The following ABCA13 variants were observed in gnomAD, a reference collection of about 807,000 sequenced individuals.
The protein encoded by ABCA13 is ATP-binding cassette sub-family A member 13.
In ABCA13, 476 loss-of-function variants were observed where a neutral mutation model predicts 478.7. The observed-to-expected ratio is 0.99, with a 90% CI of 0.92 to 1.07. The LOEUF is 1.07. Among genes scored for constraint, ABCA13 ranks in the 50% least tolerant of loss-of-function variants. The pLI is 0.00. For synonymous variants in ABCA13, 2,252 were observed against 2,158.9 expected, an observed-to-expected ratio of 1.04 and a Z score of -1.20; for missense variants, 6,060 against 5,910.6, an observed-to-expected ratio of 1.03 and a Z score of -0.83.
intron 3 of ABCA13, among the ~76,000 whole-genome samples, chr7:48,218,882 A>G (rs1313808892): frequency 1.3e-5 from 2 of 152,222 alleles, no homozygotes; most frequent in East Asian, 3.8e-4. Context: ...GTAGATATGC[A>G]TGTTGACAAC....
chr7:48,345,798 C>T (rs924988016), intron 29 of ABCA13, among the ~76,000 whole-genome samples: 2 of 152,096 alleles, frequency 1.3e-5, no homozygotes, highest in African/African-American at 4.8e-5. Flanking sequence ...ATAAAGTGTA[C>T]GGTAATGTCC....
intron 58 of ABCA13, among the ~76,000 whole-genome samples, chr7:48,598,077 ATTTTC>A (rs1790484782): frequency 6.6e-6 from 1 of 152,032 alleles, no homozygotes; most frequent in African/African-American, 2.4e-5. Flanking sequence ...TGCCCTAAAA[ATTTTC>A]TGTGTTCCAC....
intron 23 of ABCA13, among the ~76,000 whole-genome samples, chr7:48,300,659 G>C (rs915802484): frequency 6.6e-6 from 1 of 152,206 alleles, no homozygotes; most frequent in African/African-American, 2.4e-5. Flanking sequence ...CAGATGCATG[G>C]ATACCATCTC....
chr7:48,585,167 A>G (rs187392280), intron 56 of ABCA13, among the ~76,000 whole-genome samples: 1 of 152,186 alleles, frequency 6.6e-6, no homozygotes. Flanking sequence ...CCTTCCTTTA[A>G]TATTTGTGTT....
chr7:48,271,600 TA>T (rs1795619064), intron 16 of ABCA13, among the ~76,000 whole-genome samples, 186 bp from the exon 17 acceptor site: 1 of 152,174 alleles, frequency 6.6e-6, no homozygotes, highest in African/African-American at 2.4e-5. Flanking sequence ...TAAATATATA[TA>T]ACTTCATTGT....
intron 58 of ABCA13, among the ~76,000 whole-genome samples, chr7:48,609,434 T>G (rs1791798637): frequency 6.6e-6 from 1 of 152,182 alleles, no homozygotes; most frequent in South Asian, 2.1e-4. Context: ...GCAGACTTTG[T>G]TGAAAAAAAG....
intron 59 of ABCA13, among the ~76,000 whole-genome samples, chr7:48,629,761 C>T (rs1267483455): frequency 1.3e-5 from 2 of 152,020 alleles, no homozygotes; most frequent in Non-Finnish European, 2.9e-5. Context: ...ACAGGCCAAA[C>T]TGCACAAGGA....
chr7:48,346,511 A>G (rs1202459322), intron 29 of ABCA13, among the ~76,000 whole-genome samples: 1 of 147,334 alleles, frequency 6.8e-6, no homozygotes, highest in East Asian at 2.0e-4. Flanking sequence ...TTCTCCATTA[A>G]AAAAAAAAGC....
intron 55 of ABCA13, among the ~76,000 whole-genome samples, chr7:48,570,008 T>C (rs1246767559): frequency 6.6e-6 from 1 of 152,172 alleles, no homozygotes; most frequent in Admixed American, 6.5e-5. Context: ...TCCTATATTT[T>C]TGTTAATCTT....
intron 6 of ABCA13, 24 bp from the exon 7 acceptor site, chr7:48,229,801 C>T (rs1788783170): frequency 6.2e-7 from 1 of 1,613,292 alleles, no homozygotes; most frequent in African/African-American, 1.3e-5. Flanking sequence ...ACTCATATTG[C>T]TTTTTGTTTT....
At chr7:48,263,535 A>G (rs1794470639) in intron 15 of ABCA13, among the ~76,000 whole-genome samples, 1 of 151,832 alleles carries the variant, frequency 6.6e-6, no homozygotes. Flanking sequence ...AAATTTACAT[A>G]GTTTTCTTTA....
chr7:48,248,323 G>A lies in ABCA13; in HGVS notation c.1744G>A (p.Glu582Lys). 6.2e-6 allele frequency: 10 copies of A among 1,613,908 alleles called. No individual in the cohort carries two copies. The highest frequency in any genetic ancestry group is 3.3e-5 in the Admixed American group (2 of 60,010). ...AGAATATTTGGACTGGCAGGAACTT[G>A]AGATGCAGCTGTCAGAAGCAAGCCT... ...PEEYLDWQEL[E>K]MQLSEASLSC... Residue 582 changes from glutamate (E) to lysine (K), a missense_variant, in exon 14 of 62, where the codon GAG becomes AAG. Transcript: ENST00000435803.
intron 15 of ABCA13, among the ~76,000 whole-genome samples, chr7:48,250,357 C>G (rs974636812): frequency 3.3e-5 from 5 of 152,176 alleles, no homozygotes; most frequent in African/African-American, 1.2e-4. Context: ...TTCCATCCCT[C>G]TCTCCCCTAC....
At chr7:48,343,113 G>A (rs76483037) in intron 29 of ABCA13, among the ~76,000 whole-genome samples, 1 of 149,480 alleles carries the variant, frequency 6.7e-6, no homozygotes, top group Non-Finnish European at 1.5e-5. Context: ...TTTTTTTTTG[G>A]TTATTTTTCT....
At chr7:48,591,025 C>A (rs1237347305) in intron 57 of ABCA13, among the ~76,000 whole-genome samples, 2 of 151,524 alleles carry the variant, frequency 1.3e-5, no homozygotes, top group African/African-American at 2.4e-5. Context: ...GGTGTCATAT[C>A]CAAAAAAGAA....
chr7:48,292,621 C>T (rs56033844), intron 20 of ABCA13, among the ~76,000 whole-genome samples: 15,134 of 152,266 alleles, frequency 0.099, 861 homozygotes, highest in South Asian at 0.18. Flanking sequence ...TTCTCCACCT[C>T]GCTGGCTCCT....
At chr7:48,357,041 A>G (rs1410867126) in intron 31 of ABCA13, among the ~76,000 whole-genome samples, 1 of 151,822 alleles carries the variant, frequency 6.6e-6, no homozygotes, top group Non-Finnish European at 1.5e-5. Context: ...AGAAGGAGAA[A>G]TGGAGCGTGC....
chr7:48,356,196 C>T (rs1050540708), intron 31 of ABCA13, among the ~76,000 whole-genome samples: 10 of 151,768 alleles, frequency 6.6e-5, no homozygotes, highest in African/African-American at 2.4e-4. Context: ...AAGGTAAAGA[C>T]AGATAATCGA....
chr7:48,274,255 T>C lies in ABCA13; in HGVS notation c.4589T>C (p.Ile1530Thr), dbSNP rs763261433. The C allele has an allele frequency of 4.3e-6, 7 of 1,613,090 alleles. No homozygotes were observed. The highest frequency in any genetic ancestry group is 2.2e-5 in the East Asian group (1 of 44,788). ...RYFTELILRP[I>T]EMSDEIPNQF... ...TTTACTGAATTAATTCTAAGACCAA[T>C]AGAAATGTCAGATGAAATTCCTAAT... Residue 1530 changes from isoleucine (I) to threonine (T), a missense_variant, in exon 17 of 62, where the codon ATA becomes ACA. Ile to Thr is a moderately conservative substitution (Grantham distance 89, BLOSUM62 -1). Coordinates refer to ENST00000435803, the MANE Select transcript of ABCA13 (RefSeq NM_152701.5).
Sources: gnomAD v4.1 joint callset for allele counts (sites outside exome capture counted in the v4.1 genomes callset) on GRCh38, gnomAD v4.1.1 for gene constraint, MANE v1.5 for transcripts, NCBI Gene and HGNC (gene_info 2026-07-23, HGNC 2026-07-21) for gene names.